Variants in BAG6 observed in about 807,000 individuals in gnomAD.
The protein encoded by BAG6 is large proline-rich protein BAG6.
Under a neutral mutation model 121.0 loss-of-function variants are expected in BAG6, and 22 were observed. The observed-to-expected ratio is 0.18, with a 90% confidence interval of 0.13 to 0.26. The LOEUF is 0.26. BAG6 is among the 10% of genes least tolerant of loss of function. The pLI is 1.00. For missense variants in BAG6, 1,233 were observed against 1,537.7 expected, an observed-to-expected ratio of 0.80 and a Z score of 3.31; for synonymous variants, 583 against 584.6, an observed-to-expected ratio of 1.00 and a Z score of 0.04.
chr6:31,649,797 G>A (rs570618934), intron 2 of BAG6, among the ~76,000 whole-genome samples, 170 bp from the exon 3 acceptor site: 1 of 152,244 alleles, frequency 6.6e-6, no homozygotes, highest in South Asian at 2.1e-4. Context: ...AGTAACAGCT[G>A]TCAAAATACA....
In BAG6 at chr6:31,642,335, G is replaced by C; in HGVS notation, c.2112C>G (p.Thr704=). 2 of 1,525,594 alleles carry C rather than the reference G, an allele frequency of 1.3e-6. No individual in the cohort carries two copies. The highest frequency in any genetic ancestry group is 2.4e-5 in the South Asian group (2 of 84,250). The allele number at this position is 1,525,594 out of a possible 1,614,324, so 94.5% of individuals were successfully genotyped here. Reference sequence around the variant, plus strand: ...CAGAAGGGGAGCCTGGTGGGGGCATGGTCTGCTGCTCTGGGGCAGGTGGTG... The same window carrying C: ...CAGAAGGGGAGCCTGGTGGGGGCATCGTCTGCTGCTCTGGGGCAGGTGGTG... ...PPPPPAPEQQ[T]MPPPGSPSGG... Residue 704 remains threonine, a synonymous_variant, in exon 16 of 26, where the codon ACC becomes ACG. Transcript: ENST00000676615.
intron 14 of BAG6, among the ~76,000 whole-genome samples, chr6:31,643,421 T>TAA (rs36064845): frequency 3.5e-5 from 5 of 142,184 alleles, no homozygotes; most frequent in African/African-American, 2.6e-5. Context: ...CTCTGTAACT[T>TAA]AAAAAAAAAA....
At chr6:31,650,262 T>C (rs1038288843) in intron 2 of BAG6, among the ~76,000 whole-genome samples, 4 of 152,200 alleles carry the variant, frequency 2.6e-5, no homozygotes, top group Admixed American at 2.0e-4. Flanking sequence ...AAACACAAGA[T>C]GATACCAGTT....
At chr6:31,642,589 C>T (rs1784021635) in intron 15 of BAG6, 186 bp from the exon 16 acceptor site, 1 of 640,470 alleles carries the variant, frequency 1.6e-6, no homozygotes, top group African/African-American at 1.8e-5. Context: ...AACTTACCTA[C>T]CTCTTCCTCT....
Position 31,645,388 on chromosome 6 carries a change from C to T in BAG6, c.1116+19G>A. On this transcript the variant is annotated intron_variant, in intron 9 of 25. Coordinates refer to ENST00000676615, the MANE Select transcript of BAG6 (RefSeq NM_001387994.1). ...CAACACCCCTCACTCTCCCTCAGGC[C>T]AGACTCCCCCTAACCCACCTGTATG... 5.0e-6 allele frequency: 8 copies of T among 1,613,040 alleles called. No individual in the cohort carries two copies. Among genetic ancestry groups the T allele is most frequent in the African/African-American group, 1.3e-5 (1 of 75,038 alleles).
In BAG6 at chr6:31,643,013, C is replaced by G; in HGVS notation, c.1859G>C (p.Gly620Ala). 1.9e-6 allele frequency: 3 copies of G among 1,591,054 alleles called. No individual in the cohort carries two copies. The highest frequency in any genetic ancestry group is 2.6e-6 in the Non-Finnish European group (3 of 1,169,966). ...TATTAGPAPG[G>A]PAQPPPTPQP... ...AGGGGTGGGTGGAGGCTGGGCAGGC[C>G]CCCCAGGAGCGGGGCCAGCTGTGGT... The change falls in exon 15 of 26, where the codon GGG becomes GCG. Residue 620 changes from glycine to alanine, a missense_variant. Gly to Ala is a moderately conservative substitution (Grantham distance 60). This residue lies in a region of BAG6 where 777 missense variants were observed against 861.4 expected (regional missense o/e 0.90). Coordinates refer to ENST00000676615, the MANE Select transcript of BAG6 (RefSeq NM_001387994.1).
At position 31,641,835 on chromosome 6, in the gene BAG6, G is replaced by A; in HGVS notation, c.2446C>T (p.Arg816Ter). 1 of 1,613,106 alleles carries A rather than the reference G, an allele frequency of 6.2e-7. No homozygotes were observed. The highest frequency in any genetic ancestry group is 8.5e-7 in the Non-Finnish European group (1 of 1,180,036). ...QPLQRLQPQL[R>*]SFFHQHYLGG... ...AGGTAGTGCTGGTGGAAGAAGGATCGCAGCTGGGGCTGGAGCCGTTGTAGT... is the reference window on the plus strand; with the variant it reads ...AGGTAGTGCTGGTGGAAGAAGGATCACAGCTGGGGCTGGAGCCGTTGTAGT... The change falls in exon 17 of 26, where the codon CGA (arginine) becomes TGA (stop). Residue 816 changes from arginine to a stop codon, truncating the protein, a stop_gained. Coordinates refer to ENST00000676615, the MANE Select transcript of BAG6 (RefSeq NM_001387994.1). LOFTEE classifies it high-confidence loss of function. The surrounding 1 kb of genome is among the most constrained non-coding windows in gnomAD (Gnocchi z 5.7).
At chr6:31,648,162 C>T (rs1238555391) in intron 6 of BAG6, among the ~76,000 whole-genome samples, 1 of 152,034 alleles carries the variant, frequency 6.6e-6, no homozygotes, top group African/African-American at 2.4e-5. Flanking sequence ...CCTACAGGCG[C>T]GTGCCACCAC....
At position 31,642,369 on chromosome 6, in the gene BAG6, G is replaced by T; in HGVS notation, c.2078C>A (p.Pro693His). The T allele has an allele frequency of 9.0e-7, 1 of 1,104,984 alleles. No individual in the cohort carries two copies. The highest frequency in any genetic ancestry group is 1.3e-6 in the Non-Finnish European group (1 of 761,682). The allele number at this position is 1,104,984 out of a possible 1,614,324, so 68.4% of individuals were successfully genotyped here. ...CTCTGGGGCAGGTGGTGGGGGTGGA[G>T]GAGGTGGGGGTGGTGGAGGGGCTGT... is the stretch of plus-strand genomic sequence containing the variant. Reference protein sequence around the residue: ...TQTAPPPPPPPPPPPPAPEQQ... With the variant: ...TQTAPPPPPPHPPPPPAPEQQ... Residue 693 changes from proline to histidine, a missense_variant, in exon 16 of 26, where the codon CCT becomes CAT. Physicochemically the swap from Pro to His is moderately conservative, Grantham distance 77. This residue lies in a region of BAG6 where 777 missense variants were observed against 861.4 expected (regional missense o/e 0.90). Transcript: ENST00000676615.
intron 6 of BAG6, among the ~76,000 whole-genome samples, chr6:31,648,449 A>G (rs553454825): frequency 3.9e-5 from 6 of 152,302 alleles, no homozygotes; most frequent in Admixed American, 2.0e-4. Flanking sequence ...AGATGCCATG[A>G]GACTAAGTCT....
At chr6:31,649,947 C>CA (rs1047432557) in intron 2 of BAG6, among the ~76,000 whole-genome samples, 3 of 151,538 alleles carry the variant, frequency 2.0e-5, no homozygotes, top group Non-Finnish European at 4.4e-5. Context: ...ACCAAAAATA[C>CA]AAAAAAATAA....
rs1561880671 is a variant in BAG6 at position 31,640,868 on chromosome 6, T to C, written c.2858A>G (p.Gln953Arg). Reference protein sequence around the residue: ...WLTTMMGLRLQVVLEHMPVGP... With the variant: ...WLTTMMGLRLRVVLEHMPVGP... ...TACAGGCATGTGCTCCAGTACCACCTGAAGCCTCAGTCCCATCATAGTGGT... is the reference window on the plus strand; with the variant it reads ...TACAGGCATGTGCTCCAGTACCACCCGAAGCCTCAGTCCCATCATAGTGGT... The change falls in exon 21 of 26, where the codon CAG (glutamine) becomes CGG (arginine). Residue 953 changes from glutamine to arginine, a missense_variant. Gln to Arg is a conservative substitution (Grantham distance 43). This residue lies in a region of BAG6 where 288 missense variants were observed against 483.1 expected (regional missense o/e 0.60). Transcript: ENST00000676615. This position sits in a 1 kb window ranked among gnomAD's most constrained non-coding sequence, Gnocchi z 4.2. 6.2e-7 allele frequency: 1 copy of C among 1,612,710 alleles called. No individual in the cohort carries two copies. Among genetic ancestry groups the C allele is most frequent in the South Asian group, 1.1e-5 (1 of 91,084 alleles).
At position 31,642,209 on chromosome 6, in the gene BAG6, C is replaced by A; in HGVS notation, c.2238G>T (p.Leu746=). The A allele has an allele frequency of 6.2e-7, 1 of 1,612,874 alleles. No homozygotes were observed. The highest frequency in any genetic ancestry group is 8.5e-7 in the Non-Finnish European group (1 of 1,179,974). ...QGVLSSLLGS[L]GARAGSSESI... ...TTTCACTGCTGCCAGCCCGAGCCCCCAGGGAGCCCAGCAGGGAGCTGAGCA... is the reference window on the plus strand; with the variant it reads ...TTTCACTGCTGCCAGCCCGAGCCCCAAGGGAGCCCAGCAGGGAGCTGAGCA... The change falls in exon 16 of 26, where the codon CTG becomes CTT. Residue 746 remains leucine, a synonymous_variant. Transcript: ENST00000676615.
Position 31,644,034 on chromosome 6 carries a change from GTCTCTCCCT to G in BAG6, c.1668+39_1668+47del. ...TGCCCTTCCATGCACCACCACAGGA[GTCTCTCCCT>G]AGACTGTTACGCACTAGAACTCCCC... On this transcript the variant is annotated intron_variant, in intron 13 of 25. Coordinates refer to ENST00000676615, the MANE Select transcript of BAG6 (RefSeq NM_001387994.1). This position sits in a 1 kb window ranked among gnomAD's most constrained non-coding sequence, Gnocchi z 4.9. 6.2e-7 allele frequency: 1 copy of G among 1,612,992 alleles called. No individual in the cohort carries two copies. The highest frequency in any genetic ancestry group is 8.5e-7 in the Non-Finnish European group (1 of 1,179,126).
chr6:31,651,538 CAAAAAAAAGA>C (rs66781648), intron 2 of BAG6, 108 bp downstream of exon 2: 69,445 of 926,718 alleles, frequency 0.075, 2,820 homozygotes, highest in South Asian at 0.12. Context: ...GACTCCATCT[CAAAAAAAAGA>C]AAAAAAAAGA....
At position 31,645,492 on chromosome 6, in the gene BAG6, G is replaced by A. The variant is rs779466226; in HGVS notation, c.1031C>T (p.Thr344Met). 1.9e-5 allele frequency: 31 copies of A among 1,613,010 alleles called. No homozygotes were observed. The highest frequency in any genetic ancestry group is 2.5e-5 in the Non-Finnish European group (30 of 1,180,046). The change falls in exon 9 of 26, where the codon ACG becomes ATG. Residue 344 changes from threonine to methionine, a missense_variant. Thr to Met is a moderately conservative substitution (Grantham distance 81, BLOSUM62 -1). Coordinates refer to ENST00000676615, the MANE Select transcript of BAG6 (RefSeq NM_001387994.1). The part of the protein sequence containing the change: ...LSDLRCNLAC[T>M]PPRHLHVVRP... ...GACCACATGCAGGTGTCGTGGGGGCGTGCAGGCCAGATTGCAGCGCAGGTC... is the reference window on the plus strand; with the variant it reads ...GACCACATGCAGGTGTCGTGGGGGCATGCAGGCCAGATTGCAGCGCAGGTC...
At position 31,647,609 on chromosome 6, in the gene BAG6, G is replaced by A. The variant is rs141096047; in HGVS notation, c.770C>T (p.Pro257Leu). Residue 257 changes from proline to leucine, a missense_variant, in exon 7 of 26, where the codon CCG becomes CTG. Transcript: ENST00000676615. ...CTCTCACTTGGGTGCATTTGTTTCC[G>A]GGGCAGGTGTTGGGCCCGCTGGGGC... ...GPAPAGPTPA[P>L]ETNAPNHPSP... 1.9e-5 allele frequency: 30 copies of A among 1,609,250 alleles called. No homozygotes were observed. The highest frequency in any genetic ancestry group is 3.4e-5 in the Admixed American group (2 of 59,336).
intron 1 of BAG6, chr6:31,651,978 TGGA>T: frequency 1.9e-6 from 1 of 518,264 alleles, no homozygotes; most frequent in East Asian, 2.9e-5. Context: ...CTTAGGGAGC[TGGA>T]GGACGAGAGG....
chr6:31,646,027 C>T (rs1788800182), intron 8 of BAG6, among the ~76,000 whole-genome samples: 1 of 152,120 alleles, frequency 6.6e-6, no homozygotes, highest in Non-Finnish European at 1.5e-5. Flanking sequence ...GCTCTGTCAC[C>T]CAGGCTAGAG....
Sources: gnomAD v4.1 joint callset for allele counts (sites outside exome capture counted in the v4.1 genomes callset) on GRCh38, gnomAD v4.1.1 for gene constraint, gnomAD v4.1.1 regional missense constraint, Gnocchi (gnomAD v3.1) non-coding constraint, MANE v1.5 for transcripts, NCBI Gene and HGNC (gene_info 2026-07-23, HGNC 2026-07-21) for gene names.